PITPNC1: variants seen among roughly 807,000 people sequenced by gnomAD.
PITPNC1 encodes the protein phosphatidylinositol transfer protein cytoplasmic 1, also known as cytoplasmic phosphatidylinositol transfer protein 1.
PITPNC1 carries 18 observed loss-of-function variants against 44.7 expected under a neutral mutation model. The observed-to-expected ratio is 0.40, with a 90% confidence interval of 0.28 to 0.60. PITPNC1 has a LOEUF of 0.60. Ranked by LOEUF, PITPNC1 falls within the 20% of genes least tolerant of loss-of-function variation. The pLI is 0.39. For synonymous variants in PITPNC1, 141 were observed against 149.6 expected (o/e 0.94, Z 0.42); for missense variants, 290 against 418.4 (o/e 0.69, Z 2.68).
chr17:67,568,353 A>T (rs1428453090), intron 4 of PITPNC1, among the ~76,000 whole-genome samples: 1 of 152,144 alleles, frequency 6.6e-6, no homozygotes, highest in African/African-American at 2.4e-5. Flanking sequence ...GTAGGCGGGA[A>T]TGGGGACGTG....
chr17:67,606,914 C>A (rs1271243605), intron 5 of PITPNC1, among the ~76,000 whole-genome samples: 2 of 152,198 alleles, frequency 1.3e-5, no homozygotes, highest in Non-Finnish European at 2.9e-5. Flanking sequence ...CAGAAACAAA[C>A]CACTGCCTGT....
intron 6 of PITPNC1, among the ~76,000 whole-genome samples, chr17:67,661,147 C>G (rs1293370104): frequency 6.6e-6 from 1 of 151,518 alleles, no homozygotes; most frequent in Non-Finnish European, 1.5e-5. Context: ...CACGCCCAGT[C>G]GAATCACATT....
chr17:67,554,549 C>T (rs1191126669), intron 4 of PITPNC1, among the ~76,000 whole-genome samples: 2 of 152,106 alleles, frequency 1.3e-5, no homozygotes, highest in Non-Finnish European at 2.9e-5. Context: ...TGAGCCACCA[C>T]ACCTGGCTAA....
intron 1 of PITPNC1, among the ~76,000 whole-genome samples, chr17:67,393,014 C>T (rs1242730900): frequency 6.6e-6 from 1 of 151,618 alleles, no homozygotes; most frequent in Non-Finnish European, 1.5e-5. Flanking sequence ...CCTGTGACCC[C>T]AGCTACTCAG....
chr17:67,621,078 C>G (rs1019603157), intron 5 of PITPNC1, among the ~76,000 whole-genome samples: 1 of 152,132 alleles, frequency 6.6e-6, no homozygotes, highest in Non-Finnish European at 1.5e-5. Context: ...CTTGTATCAC[C>G]CCTGCTGGCC....
chr17:67,532,153 A>G (rs2040470300), intron 1 of PITPNC1, among the ~76,000 whole-genome samples: 1 of 152,218 alleles, frequency 6.6e-6, no homozygotes, highest in Non-Finnish European at 1.5e-5. Flanking sequence ...AAAGGAGTTA[A>G]AAGTACTGTA....
chr17:67,691,136 CAG>C lies in PITPNC1; in HGVS notation c.683-1435_683-1434del, dbSNP rs141253603. Among the ~76,000 whole-genome samples the C allele has an allele frequency of 3.8e-4, 58 of 151,454 alleles. No individual in the cohort carries two copies. The East Asian group carries it at 0.011, about 28-fold the overall frequency. On this transcript the variant is annotated intron_variant, in intron 8 of 8. Coordinates refer to ENST00000581322, the MANE Select transcript of PITPNC1 (RefSeq NM_012417.4). ...AAATAAATAAATAAATAAATAATAACAGTAATAATAGAGTTTCTGAGCATGAG... is the reference window on the plus strand; with the variant it reads ...AAATAAATAAATAAATAAATAATAACTAATAATAGAGTTTCTGAGCATGAG...
At position 67,443,861 on chromosome 17, in the gene PITPNC1, C is replaced by G. The variant is rs1039139584; in HGVS notation, c.48+65659C>G. 2.1e-4 allele frequency among the ~76,000 whole-genome samples: 32 copies of G among 151,990 alleles called. 1 individual carries two copies. Among genetic ancestry groups the G allele is most frequent in the Non-Finnish European group, 4.4e-5 (3 of 67,966 alleles). On this transcript the variant is annotated intron_variant, in intron 1 of 8. Transcript: ENST00000581322. ...TGTTGGCCAGGCTGGTCTCGAACTC[C>G]TGACCTCAGGTGATCTGCCTGCCTC...
intron 6 of PITPNC1, among the ~76,000 whole-genome samples, chr17:67,641,779 C>T (rs915177916): frequency 2.3e-5 from 2 of 85,546 alleles, no homozygotes; most frequent in African/African-American, 9.0e-5. Context: ...AAGACCCTAC[C>T]TCAAAATAAT....
At chr17:67,596,894 AT>A (rs529411650) in intron 5 of PITPNC1, among the ~76,000 whole-genome samples, 1,896 of 145,828 alleles carry the variant, frequency 0.013, 21 homozygotes, top group Non-Finnish European at 0.02. Context: ...TTCTGAACCA[AT>A]TTTTTTTTTT....
At chr17:67,608,491 C>CTTT (rs143100082) in intron 5 of PITPNC1, among the ~76,000 whole-genome samples, 2 of 133,016 alleles carry the variant, frequency 1.5e-5, no homozygotes, top group Non-Finnish European at 3.2e-5. Flanking sequence ...TGTTTCTCAG[C>CTTT]TTTTTTTTTT....
At chr17:67,442,463 AAAAC>A (rs1379204433) in intron 1 of PITPNC1, among the ~76,000 whole-genome samples, 2 of 151,234 alleles carry the variant, frequency 1.3e-5, no homozygotes, top group Non-Finnish European at 3.0e-5. Flanking sequence ...GCAGGGCCCT[AAAAC>A]AAACAAGAAC....
intron 5 of PITPNC1, among the ~76,000 whole-genome samples, chr17:67,608,247 C>CAAAAAAAAAAAA (rs775389038): frequency 8.8e-6 from 1 of 113,764 alleles, no homozygotes; most frequent in Non-Finnish European, 1.8e-5. Context: ...AAAAAAAAAA[C>CAAAAAAAAAAAA]AAAAAAAAAC....
intron 1 of PITPNC1, among the ~76,000 whole-genome samples, chr17:67,458,768 G>A (rs71382121): frequency 2.6e-5 from 4 of 151,614 alleles, no homozygotes; most frequent in East Asian, 1.9e-4. Flanking sequence ...TTTTTTTTCC[G>A]TGGGAATCTT....
At chr17:67,464,413 A>G (rs2039393313) in intron 1 of PITPNC1, among the ~76,000 whole-genome samples, 1 of 152,148 alleles carries the variant, frequency 6.6e-6, no homozygotes, top group East Asian at 1.9e-4. Context: ...GACTTCATCT[A>G]TATTTCAATG....
intron 8 of PITPNC1, among the ~76,000 whole-genome samples, chr17:67,677,653 C>T (rs1006778373): frequency 1.2e-4 from 18 of 151,868 alleles, no homozygotes; most frequent in Middle Eastern, 3.4e-3. Flanking sequence ...CTGCAACCTC[C>T]GCCTCCCAGG....
intron 1 of PITPNC1, among the ~76,000 whole-genome samples, chr17:67,452,177 TG>T (rs2039189147): frequency 6.6e-6 from 1 of 151,692 alleles, no homozygotes; most frequent in African/African-American, 2.4e-5. Flanking sequence ...GGCTAATTTT[TG>T]TATTTTTGTT....
chr17:67,664,258 C>T (rs998329391), intron 6 of PITPNC1, among the ~76,000 whole-genome samples: 3 of 152,192 alleles, frequency 2.0e-5, no homozygotes, highest in Non-Finnish European at 4.4e-5. Flanking sequence ...AGCCACTGCA[C>T]CTGGCCTCAT....
At chr17:67,384,427 TC>T (rs1305462788) in intron 1 of PITPNC1, among the ~76,000 whole-genome samples, 1 of 102,980 alleles carries the variant, frequency 9.7e-6, no homozygotes, top group Non-Finnish European at 2.6e-5. Context: ...TTCCTTGTTC[TC>T]TTTTTTTTTT....
Sources: allele counts gnomAD v4.1 joint callset (sites outside exome capture counted in the v4.1 genomes callset), GRCh38; gene constraint gnomAD v4.1.1; transcripts MANE v1.5; gene names NCBI Gene and HGNC (gene_info 2026-07-23, HGNC 2026-07-21).